The following ENAH variants were observed in gnomAD, a reference collection of about 807,000 sequenced individuals.
ENAH encodes ENAH actin regulator, also known as protein enabled homolog.
Under a neutral mutation model 78.7 loss-of-function variants are expected in ENAH, and 23 were observed. The observed-to-expected ratio is 0.29, with a 90% confidence interval of 0.21 to 0.41. The LOEUF (loss-of-function observed/expected upper bound fraction) is 0.41. ENAH is among the 10% of genes least tolerant of loss of function. The probability of loss-of-function intolerance (pLI) is 1.00; values close to 1 mark genes in which losing one functional copy is unlikely to be tolerated. For synonymous variants in ENAH, 226 were observed against 241.0 expected, an observed-to-expected ratio of 0.94 and a Z score of 0.58; for missense variants, 544 against 691.0, an observed-to-expected ratio of 0.79 and a Z score of 2.39.
chr1:225,488,869 G>A lies in ENAH; in HGVS notation c.*8906C>T, dbSNP rs12043633. ...AGACTCAGAGCCCTCAAATGGCACG[G>A]AAGCGGCACCTGGTCTGCCAAGACA... On this transcript the variant is annotated 3_prime_UTR_variant, in exon 14 of 14. Transcript: ENST00000366843. 20,130 of 152,204 alleles carry A rather than the reference G, an allele frequency of 0.13. 1,853 individuals are homozygous for A. The highest frequency in any genetic ancestry group is 0.38 in the East Asian group (1,978 of 5,168). 9.4% of individuals were successfully genotyped at this position (152,204 alleles called of 1,614,324 possible).
In ENAH at chr1:225,514,675, G is replaced by A; in HGVS notation, c.1139C>T (p.Ala380Val). The A allele has an allele frequency of 2.6e-6, 4 of 1,541,928 alleles. No homozygotes were observed. The highest frequency in any genetic ancestry group is 3.5e-6 in the Non-Finnish European group (4 of 1,135,924). The change falls in exon 7 of 14, where the codon GCA (alanine) becomes GTA (valine). Residue 380 changes from alanine to valine, a missense_variant. Around this residue, in one of 4 missense-constraint regions of ENAH, gnomAD observed 366 missense variants for 396.1 expected, o/e 0.92. Coordinates refer to ENST00000366843, the MANE Select transcript of ENAH (RefSeq NM_018212.6). ...AGGGCGATTGTCTTCTGACATGGATGCCAAAAAGAATCCAGATGCAGGGAG... is the reference window on the plus strand; with the variant it reads ...AGGGCGATTGTCTTCTGACATGGATACCAAAAAGAATCCAGATGCAGGGAG... ...PPLPASGFFL[A>V]SMSEDNRPLT...
intron 5 of ENAH, among the ~76,000 whole-genome samples, chr1:225,518,536 C>A (rs2096440537): frequency 6.6e-6 from 1 of 152,106 alleles, no homozygotes; most frequent in African/African-American, 2.4e-5. Context: ...AACCAACCAA[C>A]CAACCACTGT....
At chr1:225,641,914 G>C (rs1321201810) in intron 1 of ENAH, among the ~76,000 whole-genome samples, 1 of 151,962 alleles carries the variant, frequency 6.6e-6, no homozygotes, top group Non-Finnish European at 1.5e-5. Flanking sequence ...CCAGCTACTT[G>C]GGAGGCTGAG....
intron 1 of ENAH, among the ~76,000 whole-genome samples, chr1:225,622,191 T>G (rs759168105): frequency 5.9e-5 from 9 of 152,206 alleles, no homozygotes; most frequent in Non-Finnish European, 1.0e-4. Context: ...TATGGGGTGA[T>G]GTCCCTTCAA....
intron 3 of ENAH, among the ~76,000 whole-genome samples, chr1:225,533,016 G>A (rs2096545438): frequency 6.6e-6 from 1 of 151,958 alleles, no homozygotes. Context: ...GTGTGTCCGT[G>A]CATGGAATCA....
At chr1:225,504,630 T>C (rs1461696084) in intron 11 of ENAH, among the ~76,000 whole-genome samples, 1 of 152,200 alleles carries the variant, frequency 6.6e-6, no homozygotes, top group Non-Finnish European at 1.5e-5. Context: ...TCCACAACCA[T>C]GGCTTTAATA....
chr1:225,591,660 G>A (rs2147889640), intron 1 of ENAH, among the ~76,000 whole-genome samples: 1 of 150,544 alleles, frequency 6.6e-6, no homozygotes, highest in East Asian at 2.0e-4. Flanking sequence ...AGCTACTTGG[G>A]AGGCTGAGGC....
At chr1:225,526,473 G>T (rs1396322387) in intron 4 of ENAH, among the ~76,000 whole-genome samples, 1 of 151,982 alleles carries the variant, frequency 6.6e-6, no homozygotes, top group East Asian at 1.9e-4. Flanking sequence ...CAAGTAGCTG[G>T]AACTACAGGT....
chr1:225,569,241 G>C (rs2096748766), intron 1 of ENAH, among the ~76,000 whole-genome samples: 5 of 152,144 alleles, frequency 3.3e-5, no homozygotes, highest in Admixed American at 3.3e-4. Flanking sequence ...GAATAATACA[G>C]GATAGTAGTT....
chr1:225,507,314 A>T (rs1329206765), intron 11 of ENAH, among the ~76,000 whole-genome samples: 2 of 151,966 alleles, frequency 1.3e-5, no homozygotes, highest in Non-Finnish European at 2.9e-5. Context: ...ATTCAGGTTT[A>T]AAAAAGGCTC....
chr1:225,645,022 T>C (rs1221444063), intron 1 of ENAH, among the ~76,000 whole-genome samples: 3 of 152,218 alleles, frequency 2.0e-5, no homozygotes, highest in East Asian at 1.9e-4. Context: ...AGCACGAAGA[T>C]ACAGCTCCAA....
At chr1:225,628,556 A>G (rs1658366323) in intron 1 of ENAH, among the ~76,000 whole-genome samples, 1 of 152,138 alleles carries the variant, frequency 6.6e-6, no homozygotes, top group South Asian at 2.1e-4. Flanking sequence ...CAAAAAATGT[A>G]TCAAGTATAA....
chr1:225,518,911 A>G (rs2096443222), intron 5 of ENAH: 3 of 380,234 alleles, frequency 7.9e-6, no homozygotes, highest in Non-Finnish European at 9.2e-6. Context: ...AATTTCCCAT[A>G]AAAACACACT....
At chr1:225,607,526 A>C (rs940259040) in intron 1 of ENAH, among the ~76,000 whole-genome samples, 2 of 152,062 alleles carry the variant, frequency 1.3e-5, no homozygotes, top group Admixed American at 6.6e-5. Flanking sequence ...AAAAAAAAAA[A>C]AAAAAAACAC....
In ENAH at chr1:225,537,635, G is replaced by A. The variant is rs551857424; in HGVS notation, c.350-6997C>T. ...TAAATTCAGTAATACGATGTTTTCA[G>A]CATACTTTTTAACACTAGCACTGAT... is the stretch of plus-strand genomic sequence containing the variant. On this transcript the variant is annotated intron_variant, in intron 3 of 13. Transcript: ENST00000366843. Among the ~76,000 whole-genome samples, 8 of 152,116 alleles carry A rather than the reference G, an allele frequency of 5.3e-5. No homozygotes were observed. The South Asian group carries it at 1.7e-3, about 32-fold the overall frequency.
In ENAH at chr1:225,640,312, T is replaced by A. The variant is rs868502393; in HGVS notation, c.5+12374A>T. ...AACATGAATGTTTTCATAGTTTTGTTTCATTTTTCAAGATTAAACCCAAAT... is the reference window on the plus strand; with the variant it reads ...AACATGAATGTTTTCATAGTTTTGTATCATTTTTCAAGATTAAACCCAAAT... On this transcript the variant is annotated intron_variant, in intron 1 of 13. Transcript: ENST00000366843. 3.9e-5 allele frequency among the ~76,000 whole-genome samples: 6 copies of A among 152,210 alleles called. No individual in the cohort carries two copies. The South Asian group carries it at 1.2e-3, about 31-fold the overall frequency.
At chr1:225,576,510 T>C (rs2096788932) in intron 1 of ENAH, among the ~76,000 whole-genome samples, 1 of 152,222 alleles carries the variant, frequency 6.6e-6, no homozygotes, top group Non-Finnish European at 1.5e-5. Context: ...TTTGCATATG[T>C]CTAAGTTCTC....
rs1423041394 is a variant in ENAH, at chr1:225,497,342, A to G, written c.*433T>C. On this transcript the variant is annotated 3_prime_UTR_variant, in exon 14 of 14. Coordinates refer to ENST00000366843, the MANE Select transcript of ENAH (RefSeq NM_018212.6). ...ACAAACCTGAGAGAAACATTACAAT[A>G]CAATAGCAAACTTGCTCAATTCTTT... 1 of 155,576 alleles carries G rather than the reference A, an allele frequency of 6.4e-6. No individual in the cohort carries two copies. The highest frequency in any genetic ancestry group is 6.3e-5 in the Admixed American group (1 of 15,860). The allele number at this position is 155,576 out of a possible 1,614,324, so 9.6% of individuals were successfully genotyped here.
At chr1:225,543,216 A>C (rs1214040808) in intron 3 of ENAH, among the ~76,000 whole-genome samples, 2 of 152,196 alleles carry the variant, frequency 1.3e-5, no homozygotes, top group African/African-American at 4.8e-5. Context: ...TCCAGTCTTC[A>C]AAGTGGGACT....
Sources: allele counts gnomAD v4.1 joint callset (sites outside exome capture counted in the v4.1 genomes callset), GRCh38; gene constraint gnomAD v4.1.1; regional missense constraint gnomAD v4.1.1; transcripts MANE v1.5; gene names NCBI Gene and HGNC (gene_info 2026-07-23, HGNC 2026-07-21).